ATP6V1H: variants seen among roughly 807,000 people sequenced by gnomAD.
ATP6V1H encodes V-type proton ATPase subunit H.
In ATP6V1H, 39 loss-of-function variants were observed where a neutral mutation model predicts 71.7. That is an observed-to-expected ratio of 0.54 (90% CI 0.42 to 0.71). The LOEUF (loss-of-function observed/expected upper bound fraction) is 0.71. ATP6V1H is among the 30% of genes least tolerant of loss of function. ATP6V1H has a pLI of 0.00. For missense variants in ATP6V1H, 509 were observed against 594.9 expected (o/e 0.86, Z 1.50); for synonymous variants, 192 against 199.3 (o/e 0.96, Z 0.31).
At chr8:53,765,508 T>C (rs1465810017) in intron 11 of ATP6V1H, among the ~76,000 whole-genome samples, 4 of 105,034 alleles carry the variant, frequency 3.8e-5, no homozygotes, top group African/African-American at 1.1e-4. Context: ...CACAAGACCA[T>C]CAGCATTAGC....
chr8:53,819,575 TATATATATATAA>T (rs1441528486), intron 4 of ATP6V1H, among the ~76,000 whole-genome samples: 1 of 125,894 alleles, frequency 7.9e-6, no homozygotes, highest in Non-Finnish European at 1.7e-5. Context: ...TATATATATA[TATATATATATAA>T]AATACACACA....
chr8:53,824,837 A>T (rs1433537885), intron 4 of ATP6V1H, among the ~76,000 whole-genome samples: 1 of 151,974 alleles, frequency 6.6e-6, no homozygotes, highest in Non-Finnish European at 1.5e-5. Flanking sequence ...ATAAAATTTT[A>T]ATTAAAATTT....
chr8:53,726,322 C>T (rs1204177402), intron 13 of ATP6V1H, among the ~76,000 whole-genome samples: 1 of 152,030 alleles, frequency 6.6e-6, no homozygotes, highest in East Asian at 1.9e-4. Context: ...TCCCTTAAAG[C>T]TTCAAATTAA....
Position 53,716,005 on chromosome 8 carries a change from G to A in ATP6V1H, c.1411C>T (p.Leu471Phe). The change falls in exon 14 of 14, where the codon CTC becomes TTC. Residue 471 changes from leucine to phenylalanine, a missense_variant. Around this residue, in one of 2 missense-constraint regions of ATP6V1H, gnomAD observed 212 missense variants for 291.6 expected, o/e 0.73. Coordinates refer to ENST00000359530, the MANE Select transcript of ATP6V1H (RefSeq NM_015941.4). ...VHNWEYLGKQLQSEQPQTAAA... is the reference protein window; with the variant it reads ...VHNWEYLGKQFQSEQPQTAAA... Reference sequence around the variant, plus strand: ...GCGGTCTGGGGCTGCTCGGACTGGAGCTGCTTGCCAAGGTATTCCCTGAAA... The same window carrying A: ...GCGGTCTGGGGCTGCTCGGACTGGAACTGCTTGCCAAGGTATTCCCTGAAA... The A allele has an allele frequency of 6.2e-7, 1 of 1,607,062 alleles. No homozygotes were observed. Among genetic ancestry groups the A allele is most frequent in the Non-Finnish European group, 8.5e-7 (1 of 1,177,468 alleles).
intron 7 of ATP6V1H, among the ~76,000 whole-genome samples, chr8:53,802,148 C>A (rs1244051885): frequency 6.6e-6 from 1 of 152,146 alleles, no homozygotes; most frequent in East Asian, 1.9e-4. Context: ...AAATCCGGAA[C>A]AAAATAATTT....
intron 12 of ATP6V1H, among the ~76,000 whole-genome samples, chr8:53,750,230 C>A (rs41360051): frequency 0.051 from 7,783 of 152,054 alleles, 582 homozygotes; most frequent in African/African-American, 0.16. Context: ...CCCAATCTTA[C>A]GAAAACAAGT....
chr8:53,779,402 A>T (rs936943821), intron 9 of ATP6V1H, among the ~76,000 whole-genome samples: 2 of 151,866 alleles, frequency 1.3e-5, no homozygotes, highest in Non-Finnish European at 2.9e-5. Context: ...AAATTTAACA[A>T]TGCACTCCTA....
At chr8:53,747,214 A>C (rs1370859949) in intron 12 of ATP6V1H, among the ~76,000 whole-genome samples, 2 of 152,236 alleles carry the variant, frequency 1.3e-5, no homozygotes, top group Admixed American at 1.3e-4. Context: ...AAGCTAATAA[A>C]ATGATATCAC....
chr8:53,830,474 TA>T (rs1383614242), intron 3 of ATP6V1H, among the ~76,000 whole-genome samples: 1 of 152,022 alleles, frequency 6.6e-6, no homozygotes, highest in Non-Finnish European at 1.5e-5. Context: ...ATACTGAATG[TA>T]AACAGTTAAC....
chr8:53,738,463 G>A (rs1807305279), intron 13 of ATP6V1H, among the ~76,000 whole-genome samples: 1 of 152,068 alleles, frequency 6.6e-6, no homozygotes, highest in Admixed American at 6.6e-5. Flanking sequence ...ACTAGACCAG[G>A]CTTTTCTTTC....
intron 7 of ATP6V1H, among the ~76,000 whole-genome samples, chr8:53,804,913 A>G (rs755697179): frequency 1.2e-4 from 19 of 152,214 alleles, no homozygotes; most frequent in Non-Finnish European, 2.5e-4. Flanking sequence ...AGCTCTTACT[A>G]TATTACAGTG....
chr8:53,775,520 CA>C lies in ATP6V1H; in HGVS notation c.871-3354del, dbSNP rs1369420612. Among the ~76,000 whole-genome samples the C allele has an allele frequency of 2.0e-5, 3 of 152,154 alleles. No homozygotes were observed. In the East Asian group the frequency reaches 5.8e-4, roughly 29 times the overall value. ...TACATACAAAGGTTCTCCACGTCCC[CA>C]TCAGATTAGTTAGATACAGAGTTTG... On this transcript the variant is annotated intron_variant, in intron 9 of 13. Transcript: ENST00000359530.
At position 53,814,764 on chromosome 8, in the gene ATP6V1H, T is replaced by A; in HGVS notation, c.423A>T (p.Ala141=). Residue 141 remains alanine (A), a splice_region_variant and synonymous_variant, in exon 6 of 14, where the codon GCA becomes GCT. Coordinates refer to ENST00000359530, the MANE Select transcript of ATP6V1H (RefSeq NM_015941.4). ...CTGCTAACTTGGCAATAATTCTTGC[T>A]GCCTGAAAACAAATAAGAGATACAT... ...NRQDPFTVHM[A]ARIIAKLAAW... 1 of 1,606,136 alleles carries A rather than the reference T, an allele frequency of 6.2e-7. No individual in the cohort carries two copies. The highest frequency in any genetic ancestry group is 8.5e-7 in the Non-Finnish European group (1 of 1,173,790).
Position 53,817,584 on chromosome 8 carries a change from G to A in ATP6V1H, c.307-54C>T. 3 of 1,095,388 alleles carry A rather than the reference G, an allele frequency of 2.7e-6. No individual in the cohort carries two copies. In the South Asian group the frequency reaches 4.1e-5, roughly 15 times the overall value. The allele number at this position is 1,095,388 out of a possible 1,614,324, so 67.9% of individuals were successfully genotyped here. On this transcript the variant is annotated intron_variant, in intron 4 of 13. Transcript: ENST00000359530. ...GTCAGAACACATTTTGCTAAAGAATGTAACGACTGTGCACCACTTCTCAAC... is the reference window on the plus strand; with the variant it reads ...GTCAGAACACATTTTGCTAAAGAATATAACGACTGTGCACCACTTCTCAAC...
chr8:53,756,367 C>CCA, intron 12 of ATP6V1H, 188 bp downstream of exon 12: 1 of 400,176 alleles, frequency 2.5e-6, no homozygotes, highest in Non-Finnish European at 4.4e-6. Context: ...CAGGCGTGAG[C>CCA]CACTGCAACC....
intron 9 of ATP6V1H, among the ~76,000 whole-genome samples, chr8:53,791,652 C>CA (rs1180155771): frequency 6.6e-6 from 1 of 152,174 alleles, no homozygotes; most frequent in Non-Finnish European, 1.5e-5. Context: ...ATTCCTGGTT[C>CA]AAAAGGCCCC....
intron 2 of ATP6V1H, 111 bp from the exon 3 acceptor site, chr8:53,833,197 G>A (rs1811064128): frequency 1.3e-6 from 1 of 745,426 alleles, no homozygotes; most frequent in Non-Finnish European, 2.3e-6. Context: ...CACAAGGGCT[G>A]ACGCAAGGGC....
At chr8:53,821,131 G>A (rs1427636201) in intron 4 of ATP6V1H, among the ~76,000 whole-genome samples, 1 of 151,162 alleles carries the variant, frequency 6.6e-6, no homozygotes, top group Non-Finnish European at 1.5e-5. Context: ...AGCACTTTGG[G>A]AGGCCGAGGC....
chr8:53,742,257 T>TTCCCTAG (rs1563444503), intron 13 of ATP6V1H, among the ~76,000 whole-genome samples: 2 of 152,204 alleles, frequency 1.3e-5, no homozygotes, highest in Admixed American at 1.3e-4. Flanking sequence ...ACTGCCTGCA[T>TTCCCTAG]TACAGGATAT....
Sources: gnomAD v4.1 joint callset for allele counts (sites outside exome capture counted in the v4.1 genomes callset) on GRCh38, gnomAD v4.1.1 for gene constraint, gnomAD v4.1.1 regional missense constraint, MANE v1.5 for transcripts, NCBI Gene and HGNC (gene_info 2026-07-23, HGNC 2026-07-21) for gene names.